NXPH1: variants seen among roughly 807,000 people sequenced by gnomAD.
NXPH1 encodes neurexophilin 1, also known as neurexophilin-1.
Under a neutral mutation model 23.7 loss-of-function variants are expected in NXPH1, and 5 were observed. The ratio of observed to expected loss-of-function variants is 0.21; its 90% CI spans 0.11 to 0.44. The LOEUF is 0.44. Among genes scored for constraint, NXPH1 ranks in the 20% least tolerant of loss-of-function variants. The pLI is 0.99. For synonymous variants in NXPH1, 144 were observed against 122.2 expected, an observed-to-expected ratio of 1.18 and a Z score of -1.18; for missense variants, 324 against 321.6, an observed-to-expected ratio of 1.01 and a Z score of -0.06.
At chr7:8,519,252 AT>A (rs1563334021) in intron 2 of NXPH1, among the ~76,000 whole-genome samples, 1 of 152,200 alleles carries the variant, frequency 6.6e-6, no homozygotes, top group African/African-American at 2.4e-5. Flanking sequence ...AAGGTATTAC[AT>A]TTACTCAAAA....
chr7:8,743,030 G>T (rs1345803653), intron 2 of NXPH1, among the ~76,000 whole-genome samples: 1 of 152,098 alleles, frequency 6.6e-6, no homozygotes, highest in East Asian at 1.9e-4. Context: ...CAATGTCAGT[G>T]ATATAGTGTG....
chr7:8,564,353 C>G (rs570296995), intron 2 of NXPH1, among the ~76,000 whole-genome samples: 1 of 151,726 alleles, frequency 6.6e-6, no homozygotes, highest in African/African-American at 2.4e-5. Context: ...AAGTAGAATG[C>G]GTATGGTACT....
chr7:8,739,339 T>C (rs1780321988), intron 2 of NXPH1, among the ~76,000 whole-genome samples: 1 of 152,058 alleles, frequency 6.6e-6, no homozygotes, highest in South Asian at 2.1e-4. Context: ...GTGTAGTATC[T>C]GGGCCAGAAT....
chr7:8,495,038 A>T (rs1163122364), intron 2 of NXPH1, among the ~76,000 whole-genome samples: 1 of 152,082 alleles, frequency 6.6e-6, no homozygotes, highest in Admixed American at 6.6e-5. Flanking sequence ...TTTCAGCAAG[A>T]TATCATGGAT....
At chr7:8,655,400 TTCTCTC>T (rs869162322) in intron 2 of NXPH1, among the ~76,000 whole-genome samples, 1,739 of 42,556 alleles carry the variant, frequency 0.041, 21 homozygotes, top group African/African-American at 0.088. Flanking sequence ...GTCTTTGTCT[TTCTCTC>T]TCTCTCTCTC....
At chr7:8,519,336 C>G (rs1045566873) in intron 2 of NXPH1, among the ~76,000 whole-genome samples, 15 of 152,236 alleles carry the variant, frequency 9.9e-5, no homozygotes, top group African/African-American at 2.2e-4. Context: ...TAGACAGTCC[C>G]TAAAAGAACT....
At chr7:8,489,078 G>T (rs909516939) in intron 2 of NXPH1, among the ~76,000 whole-genome samples, 9 of 152,100 alleles carry the variant, frequency 5.9e-5, no homozygotes, top group African/African-American at 2.2e-4. Flanking sequence ...TGATAGATGG[G>T]ATGTGATTAC....
intron 2 of NXPH1, among the ~76,000 whole-genome samples, chr7:8,628,805 C>T (rs184178118): frequency 4.0e-5 from 6 of 151,790 alleles, no homozygotes; most frequent in Admixed American, 6.6e-5. Context: ...AGATTTGACG[C>T]GTATGTTTGA....
rs2128603339 is a variant in NXPH1, at chr7:8,435,580, A to C, written c.-110-24A>C. The stretch of plus-strand genomic sequence containing the variant: ...CTAACCTTGCCCGCGTAGTCATGGG[A>C]TGTCTAATTTTATTTGCATCTAGGC... On this transcript the variant is annotated intron_variant, in intron 1 of 2. Coordinates refer to ENST00000405863, the MANE Select transcript of NXPH1 (RefSeq NM_152745.3). The surrounding 1 kb of genome is among the most constrained non-coding windows in gnomAD (Gnocchi z 5.9). 3.9e-6 allele frequency: 3 copies of C among 774,796 alleles called. No homozygotes were observed. Among genetic ancestry groups the C allele is most frequent in the Non-Finnish European group, 6.8e-6 (3 of 438,948 alleles). 48.0% of individuals were successfully genotyped at this position (774,796 alleles called of 1,614,324 possible).
chr7:8,696,960 C>A (rs1416011712), intron 2 of NXPH1, among the ~76,000 whole-genome samples: 3 of 151,144 alleles, frequency 2.0e-5, no homozygotes, highest in African/African-American at 4.9e-5. Flanking sequence ...GAATTTGACA[C>A]CAGTCTGGTC....
chr7:8,591,922 G>A (rs776714312), intron 2 of NXPH1, among the ~76,000 whole-genome samples: 2 of 149,982 alleles, frequency 1.3e-5, no homozygotes, highest in Non-Finnish European at 3.0e-5. Flanking sequence ...GTCCTTTAAT[G>A]GTGACCTTCA....
chr7:8,611,262 A>C (rs1323840300), intron 2 of NXPH1, among the ~76,000 whole-genome samples: 2 of 152,154 alleles, frequency 1.3e-5, no homozygotes, highest in South Asian at 2.1e-4. Flanking sequence ...GGCTTTTAAA[A>C]TGTTCCCTTA....
intron 2 of NXPH1, among the ~76,000 whole-genome samples, chr7:8,494,542 C>T (rs1387162675): frequency 6.6e-6 from 1 of 151,906 alleles, no homozygotes; most frequent in Non-Finnish European, 1.5e-5. Context: ...AGATCACAAT[C>T]ACATAGTAAC....
intron 2 of NXPH1, among the ~76,000 whole-genome samples, chr7:8,747,985 C>T (rs1337524429): frequency 6.6e-6 from 1 of 151,966 alleles, no homozygotes; most frequent in Non-Finnish European, 1.5e-5. Flanking sequence ...TAAGGATAAT[C>T]CTTTTGATGT....
At chr7:8,712,810 CTT>C (rs1448316622) in intron 2 of NXPH1, among the ~76,000 whole-genome samples, 4 of 152,012 alleles carry the variant, frequency 2.6e-5, no homozygotes, top group African/African-American at 9.7e-5. Context: ...AATTCGAACT[CTT>C]ATTTATCTCT....
At chr7:8,642,940 C>G (rs1820341520) in intron 2 of NXPH1, among the ~76,000 whole-genome samples, 1 of 152,060 alleles carries the variant, frequency 6.6e-6, no homozygotes, top group South Asian at 2.1e-4. Flanking sequence ...TCTCGGTTCA[C>G]CACAACCTCC....
At position 8,532,470 on chromosome 7, in the gene NXPH1, G is replaced by C. The variant is rs896206498; in HGVS notation, c.54+96703G>C. On this transcript the variant is annotated intron_variant, in intron 2 of 2. Transcript: ENST00000405863. ...AAATTATCCTTTCATATTTTTTTTG[G>C]GGGGGGGGGAGGGGGCTGCTTTTTA... 5.8e-5 allele frequency among the ~76,000 whole-genome samples: 8 copies of C among 137,280 alleles called. 1 individual carries two copies. Among genetic ancestry groups the C allele is most frequent in the African/African-American group, 2.0e-4 (7 of 35,688 alleles). 90.1% of individuals were successfully genotyped at this position (137,280 alleles called of 152,430 possible). A position where few individuals can be genotyped will look rare whatever the true frequency, so the allele number is the denominator to read the frequency against.
chr7:8,739,116 C>T (rs1304000792), intron 2 of NXPH1, among the ~76,000 whole-genome samples: 1 of 146,936 alleles, frequency 6.8e-6, no homozygotes, highest in Non-Finnish European at 1.5e-5. Context: ...GTTTCATCCC[C>T]CTTTCCAAGG....
At chr7:8,463,424 T>C (rs926237573) in intron 2 of NXPH1, among the ~76,000 whole-genome samples, 2 of 152,140 alleles carry the variant, frequency 1.3e-5, no homozygotes, top group Non-Finnish European at 1.5e-5. Context: ...TGACTACATA[T>C]ACACTCTTTC....
Sources: gnomAD v4.1 joint callset for allele counts (sites outside exome capture counted in the v4.1 genomes callset) on GRCh38, gnomAD v4.1.1 for gene constraint, Gnocchi (gnomAD v3.1) non-coding constraint, MANE v1.5 for transcripts, NCBI Gene and HGNC (gene_info 2026-07-23, HGNC 2026-07-21) for gene names.